Variants in ITPR2 observed in about 807,000 individuals in gnomAD.
ITPR2 encodes inositol 1,4,5-trisphosphate-gated calcium channel ITPR2.
A neutral mutation model predicts 317.1 loss-of-function variants in ITPR2; 207 were observed. The observed-to-expected ratio is 0.65, with a 90% confidence interval of 0.58 to 0.73. The LOEUF (loss-of-function observed/expected upper bound fraction) is 0.73. Among genes scored for constraint, ITPR2 ranks in the 30% least tolerant of loss-of-function variants. ITPR2 has a pLI of 0.00. For missense variants in ITPR2, 2,613 were observed against 3,284.0 expected, an observed-to-expected ratio of 0.80 and a Z score of 4.99; for synonymous variants, 1,156 against 1,149.1, an observed-to-expected ratio of 1.01 and a Z score of -0.12.
rs1409789150 is a variant in ITPR2, at chr12:26,481,134, T to C, written c.6120A>G (p.Leu2040=). The change falls in exon 43 of 57, where the codon CTA becomes CTG. Residue 2040 remains leucine, a synonymous_variant. Coordinates refer to ENST00000381340, the MANE Select transcript of ITPR2 (RefSeq NM_002223.4). The part of the protein sequence containing the change: ...GKYRMDLVLQ[L]KNNASKLLLA... ...CTGAACAGTGGAATCGCTCTACCTT[T>C]AGCTGGAGCACCAGGTCCATTCGGT... is the stretch of plus-strand genomic sequence containing the variant. 6.3e-7 allele frequency: 1 copy of C among 1,590,672 alleles called. No homozygotes were observed. The highest frequency in any genetic ancestry group is 8.6e-7 in the Non-Finnish European group (1 of 1,158,764).
At chr12:26,651,728 G>A (rs187546502) in intron 21 of ITPR2, among the ~76,000 whole-genome samples, 208 of 152,320 alleles carry the variant, frequency 1.4e-3, no homozygotes, top group Non-Finnish European at 2.4e-3. Context: ...CAGCAGACAG[G>A]ATCCACAAGG....
In ITPR2 at chr12:26,356,404, G is replaced by A. The variant is rs1210955501; in HGVS notation, c.7858-16076C>T. Among the ~76,000 whole-genome samples, 3 of 152,232 alleles carry A rather than the reference G, an allele frequency of 2.0e-5. No homozygotes were observed. The East Asian group carries it at 5.8e-4, about 29-fold the overall frequency. ...CTTAAAATGATGAAGCCCAGCCATGGAATTCCCAGGAGACAAGTGAGACCG... is the reference window on the plus strand; with the variant it reads ...CTTAAAATGATGAAGCCCAGCCATGAAATTCCCAGGAGACAAGTGAGACCG... On this transcript the variant is annotated intron_variant, in intron 55 of 56. Transcript: ENST00000381340.
chr12:26,831,422 G>A lies in ITPR2; in HGVS notation c.92+1268C>T, dbSNP rs981725646. 2.6e-5 allele frequency among the ~76,000 whole-genome samples: 4 copies of A among 152,056 alleles called. No individual in the cohort carries two copies. The highest frequency in any genetic ancestry group is 2.6e-4 in the Admixed American group (4 of 15,266). On this transcript the variant is annotated intron_variant, in intron 1 of 56. Coordinates refer to ENST00000381340, the MANE Select transcript of ITPR2 (RefSeq NM_002223.4). This position sits in a 1 kb window ranked among gnomAD's most constrained non-coding sequence, Gnocchi z 4.9. Reference sequence around the variant, plus strand: ...TAACACAGCTCGAAGTCACTGTCCCGGGTCGTTGCAGGTTAAGTCATCTGC... The same window carrying A: ...TAACACAGCTCGAAGTCACTGTCCCAGGTCGTTGCAGGTTAAGTCATCTGC...
At chr12:26,412,516 C>T (rs186103634) in intron 51 of ITPR2, among the ~76,000 whole-genome samples, 1 of 152,316 alleles carries the variant, frequency 6.6e-6, no homozygotes, top group Non-Finnish European at 1.5e-5. Flanking sequence ...AAGCATCCTG[C>T]TAGGCCCCCC....
intron 2 of ITPR2, among the ~76,000 whole-genome samples, chr12:26,751,669 C>G (rs995001678): frequency 1.3e-5 from 2 of 152,070 alleles, no homozygotes; most frequent in Admixed American, 6.5e-5. Context: ...AAGTTCGAGA[C>G]CAGCCTAGCA....
intron 1 of ITPR2, among the ~76,000 whole-genome samples, chr12:26,791,669 A>G (rs1206995708): frequency 2.0e-5 from 3 of 152,188 alleles, no homozygotes; most frequent in Admixed American, 1.3e-4. Flanking sequence ...CAGGCATGCA[A>G]GAAATTCCTT....
intron 37 of ITPR2, among the ~76,000 whole-genome samples, chr12:26,522,936 A>G (rs531524786): frequency 9.8e-5 from 15 of 152,388 alleles, no homozygotes; most frequent in African/African-American, 3.4e-4. Flanking sequence ...CCCTGTTGAT[A>G]TAACAAAATG....
At chr12:26,822,396 G>A (rs749758927) in intron 1 of ITPR2, among the ~76,000 whole-genome samples, 9 of 152,090 alleles carry the variant, frequency 5.9e-5, no homozygotes, top group African/African-American at 9.7e-5. Flanking sequence ...AAAAGAGAGC[G>A]TGATGGACTC....
intron 37 of ITPR2, among the ~76,000 whole-genome samples, chr12:26,498,634 C>G (rs1416352397): frequency 1.3e-5 from 2 of 152,058 alleles, no homozygotes; most frequent in Non-Finnish European, 2.9e-5. Context: ...TGGATCTCAC[C>G]TCTACAGACC....
intron 45 of ITPR2, among the ~76,000 whole-genome samples, chr12:26,472,878 T>C (rs1166470998): frequency 1.3e-5 from 2 of 152,090 alleles, no homozygotes; most frequent in East Asian, 3.8e-4. Context: ...TTTTTTTTTG[T>C]TTTTTGTTTG....
At chr12:26,454,202 TTTGC>T (rs955036425) in intron 45 of ITPR2, among the ~76,000 whole-genome samples, 3 of 152,182 alleles carry the variant, frequency 2.0e-5, no homozygotes, top group Non-Finnish European at 2.9e-5. Flanking sequence ...TTTTTGTTTG[TTTGC>T]TTGTTTGTTT....
chr12:26,658,190 A>T, intron 16 of ITPR2, 60 bp from the exon 17 acceptor site: 1 of 1,184,466 alleles, frequency 8.4e-7, no homozygotes, highest in African/African-American at 1.6e-5. Context: ...AAAGCATCAC[A>T]ATAAAGACAT....
At chr12:26,450,800 G>T (rs2136757669) in intron 45 of ITPR2, among the ~76,000 whole-genome samples, 1 of 152,230 alleles carries the variant, frequency 6.6e-6, no homozygotes, top group South Asian at 2.1e-4. Context: ...TTCTCAAAGA[G>T]GAGATAGTTG....
intron 37 of ITPR2, among the ~76,000 whole-genome samples, chr12:26,526,478 G>A (rs1252749658): frequency 6.6e-6 from 1 of 152,154 alleles, no homozygotes; most frequent in Non-Finnish European, 1.5e-5. Context: ...AGGGAAAGAG[G>A]TTGAAAAGAT....
chr12:26,480,483 C>T (rs1942521614), intron 43 of ITPR2, among the ~76,000 whole-genome samples: 1 of 152,092 alleles, frequency 6.6e-6, no homozygotes, highest in African/African-American at 2.4e-5. Flanking sequence ...GGGTGGAATT[C>T]TGTAGTCAAT....
chr12:26,376,335 T>C (rs945781998), intron 55 of ITPR2, among the ~76,000 whole-genome samples: 3 of 152,186 alleles, frequency 2.0e-5, no homozygotes, highest in Admixed American at 2.0e-4. Flanking sequence ...CCTCAACTTA[T>C]TCCTGTGGAA....
chr12:26,646,073 T>C (rs1231389590), intron 21 of ITPR2, among the ~76,000 whole-genome samples: 1 of 145,806 alleles, frequency 6.9e-6, no homozygotes, highest in Non-Finnish European at 1.5e-5. Flanking sequence ...AGAACAATCA[T>C]AGCTATTAAT....
rs1044187079 is a variant in ITPR2 at position 26,610,205 on chromosome 12, C to T, written c.3463-7499G>A. Among the ~76,000 whole-genome samples the T allele has an allele frequency of 3.9e-5, 6 of 152,208 alleles. No individual in the cohort carries two copies. The South Asian group carries it at 6.2e-4, about 16-fold the overall frequency. On this transcript the variant is annotated intron_variant, in intron 26 of 56. Coordinates refer to ENST00000381340, the MANE Select transcript of ITPR2 (RefSeq NM_002223.4). ...CAGGCCATCAGGGTTAGACATTCTA[C>T]CAGATTCTGTCAAAAGTCAGCTAAT...
At chr12:26,786,553 G>A (rs1299051891) in intron 2 of ITPR2, among the ~76,000 whole-genome samples, 1 of 151,830 alleles carries the variant, frequency 6.6e-6, no homozygotes. Flanking sequence ...CTATTGTATG[G>A]TTTCTATCGA....
Sources: gnomAD v4.1 joint callset for allele counts (sites outside exome capture counted in the v4.1 genomes callset) on GRCh38, gnomAD v4.1.1 for gene constraint, Gnocchi (gnomAD v3.1) non-coding constraint, MANE v1.5 for transcripts, NCBI Gene and HGNC (gene_info 2026-07-23, HGNC 2026-07-21) for gene names.